PAK1: variants seen among roughly 807,000 people sequenced by gnomAD.
The protein encoded by PAK1 is serine/threonine-protein kinase PAK 1.
PAK1 carries 29 observed loss-of-function variants against 67.4 expected under a neutral mutation model. The observed-to-expected ratio is 0.43, with a 90% CI of 0.32 to 0.59. The LOEUF (loss-of-function observed/expected upper bound fraction) is 0.59, where lower values mean the gene tolerates loss of function less well. Ranked by LOEUF, PAK1 falls within the 20% of genes least tolerant of loss-of-function variation. The pLI is 0.07. For synonymous variants in PAK1, 223 were observed against 237.4 expected (o/e 0.94, Z 0.56); for missense variants, 337 against 670.7 (o/e 0.50, Z 5.50).
intron 13 of PAK1, among the ~76,000 whole-genome samples, chr11:77,333,162 T>C (rs528187265): frequency 6.6e-6 from 1 of 152,020 alleles, no homozygotes; most frequent in African/African-American, 2.4e-5. Context: ...TTATGAAATA[T>C]GTTACAGACC....
chr11:77,501,259 G>C, the PAK1 span, among the ~76,000 whole-genome samples: 1 of 152,202 alleles, frequency 6.6e-6, no homozygotes, highest in African/African-American at 2.4e-5. Flanking sequence ...AAATCCAGGA[G>C]AGTTTCACAT....
chr11:77,378,380 C>A (rs1210536104), intron 4 of PAK1, among the ~76,000 whole-genome samples: 1 of 152,084 alleles, frequency 6.6e-6, no homozygotes, highest in African/African-American at 2.4e-5. Context: ...GTCCCTTCTA[C>A]CGAGGGTACA....
intron 1 of PAK1, among the ~76,000 whole-genome samples, chr11:77,457,339 G>A (rs1335083744): frequency 6.6e-6 from 1 of 152,110 alleles, no homozygotes; most frequent in African/African-American, 2.4e-5. Context: ...CCAAAACTAA[G>A]GTCGTGTTCA....
At chr11:77,337,488 G>T in intron 11 of PAK1, 65 bp from the exon 12 acceptor site, 1 of 775,986 alleles carries the variant, frequency 1.3e-6, no homozygotes, top group Non-Finnish European at 2.1e-6. Context: ...AGACTTAATA[G>T]AAAATCCACT....
At chr11:77,414,139 G>A (rs1217389519) in intron 1 of PAK1, among the ~76,000 whole-genome samples, 3 of 152,172 alleles carry the variant, frequency 2.0e-5, no homozygotes, top group African/African-American at 7.2e-5. Context: ...CACATTAAAG[G>A]CTTGCAACTA....
At chr11:77,411,153 A>G (rs552138027) in intron 1 of PAK1, among the ~76,000 whole-genome samples, 9 of 152,052 alleles carry the variant, frequency 5.9e-5, no homozygotes, top group Admixed American at 4.6e-4. Flanking sequence ...GGAAGACAGG[A>G]TACCAAGGTC....
rs540791252 is a variant in PAK1 at position 77,369,878 on chromosome 11, T to C, written c.477+4450A>G. 5.3e-5 allele frequency among the ~76,000 whole-genome samples: 8 copies of C among 152,320 alleles called. No individual in the cohort carries two copies. The East Asian group carries it at 1.2e-3, about 22-fold the overall frequency. ...AAATACTAGATTTTTTTAAAAGTTA[T>C]TTCCTGACTTATCTACTTCCTCTGG... On this transcript the variant is annotated intron_variant, in intron 5 of 14. Coordinates refer to ENST00000356341, the MANE Select transcript of PAK1 (RefSeq NM_002576.5).
At chr11:77,493,542 C>T in the PAK1 span, among the ~76,000 whole-genome samples, 1 of 148,592 alleles carries the variant, frequency 6.7e-6, no homozygotes, top group African/African-American at 2.5e-5. Context: ...GTCCACCTAC[C>T]TCTGCCTCCC....
intron 1 of PAK1, among the ~76,000 whole-genome samples, chr11:77,460,380 T>C (rs1175551595): frequency 1.3e-5 from 2 of 150,656 alleles, no homozygotes; most frequent in African/African-American, 4.9e-5. Flanking sequence ...TTAATGGCCT[T>C]AGCAAGAGCA....
intron 1 of PAK1, among the ~76,000 whole-genome samples, chr11:77,413,676 T>C (rs1311076562): frequency 7.0e-6 from 1 of 141,906 alleles, no homozygotes; most frequent in Non-Finnish European, 1.5e-5. Flanking sequence ...AGAGCGAAAC[T>C]CCATCTCAAA....
chr11:77,381,798 C>T (rs919081058), intron 2 of PAK1, among the ~76,000 whole-genome samples: 1 of 152,196 alleles, frequency 6.6e-6, no homozygotes, highest in South Asian at 2.1e-4. Context: ...TCCAAACGTT[C>T]ATTCTTCAGT....
intron 1 of PAK1, among the ~76,000 whole-genome samples, chr11:77,448,341 G>A (rs780982850): frequency 6.6e-5 from 10 of 152,192 alleles, no homozygotes; most frequent in African/African-American, 1.4e-4. Flanking sequence ...TATTTGCTAC[G>A]TATTTCTAAC....
chr11:77,457,629 G>A (rs183883577), intron 1 of PAK1, among the ~76,000 whole-genome samples: 1 of 152,280 alleles, frequency 6.6e-6, no homozygotes, highest in East Asian at 1.9e-4. Flanking sequence ...TCTAGGTCAG[G>A]CATGGCATTT....
chr11:77,451,608 T>G (rs904203342), intron 1 of PAK1, among the ~76,000 whole-genome samples: 2 of 137,928 alleles, frequency 1.5e-5, no homozygotes, highest in African/African-American at 3.0e-5. Flanking sequence ...TTTTTTTTTG[T>G]TTTTTTTTTG....
chr11:77,322,671 C>A lies in PAK1; in HGVS notation c.*603G>T. On this transcript the variant is annotated 3_prime_UTR_variant, in exon 15 of 15. Coordinates refer to ENST00000356341, the MANE Select transcript of PAK1 (RefSeq NM_002576.5). ...GGAACACTATTGGGTCAAGGTCCTCCCGAACAGCTGCTAGAAGCACACACA... is the reference window on the plus strand; with the variant it reads ...GGAACACTATTGGGTCAAGGTCCTCACGAACAGCTGCTAGAAGCACACACA... 1 of 248,850 alleles carries A rather than the reference C, an allele frequency of 4.0e-6. No individual in the cohort carries two copies. The highest frequency in any genetic ancestry group is 7.9e-6 in the Non-Finnish European group (1 of 126,098). The allele number at this position is 248,850 out of a possible 1,614,324, so 15.4% of individuals were successfully genotyped here. A position where few individuals can be genotyped will look rare whatever the true frequency, so the allele number is the denominator to read the frequency against.
intron 1 of PAK1, among the ~76,000 whole-genome samples, chr11:77,401,310 C>T (rs1362146372): frequency 6.6e-6 from 1 of 151,998 alleles, no homozygotes; most frequent in Non-Finnish European, 1.5e-5. Context: ...AAAGATACTC[C>T]CACTATGCAG....
chr11:77,342,689 A>C (rs1943791566), intron 10 of PAK1, among the ~76,000 whole-genome samples: 1 of 152,114 alleles, frequency 6.6e-6, no homozygotes, highest in Non-Finnish European at 1.5e-5. Flanking sequence ...TCAAAGTTCA[A>C]CTCTTTTCTT....
At chr11:77,515,110 C>T in the PAK1 span, 1 of 152,156 alleles carries the variant, frequency 6.6e-6, no homozygotes, top group African/African-American at 2.4e-5. Context: ...TCCAACTTAG[C>T]TTTCATAGGA....
chr11:77,418,562 C>T (rs1421732038), intron 1 of PAK1, among the ~76,000 whole-genome samples: 1 of 152,228 alleles, frequency 6.6e-6, no homozygotes, highest in African/African-American at 2.4e-5. Flanking sequence ...GCTAAGTCTC[C>T]TCCAGTCTGC....
Sources: allele counts gnomAD v4.1 joint callset (sites outside exome capture counted in the v4.1 genomes callset), GRCh38; gene constraint gnomAD v4.1.1; transcripts MANE v1.5; gene names NCBI Gene and HGNC (gene_info 2026-07-23, HGNC 2026-07-21).